Variants in OR8K3 observed in about 807,000 individuals in gnomAD.
The protein encoded by OR8K3 is olfactory receptor 8K3.
For synonymous variants in OR8K3, 167 were observed against 138.8 expected, an observed-to-expected ratio of 1.20 and a Z score of -1.43; for missense variants, 448 against 367.4, an observed-to-expected ratio of 1.22 and a Z score of -1.79.
At position 56,319,339 on chromosome 11, in the gene OR8K3, C is replaced by T; in HGVS notation, c.*94C>T. On this transcript the variant is annotated 3_prime_UTR_variant, in exon 3 of 3. Transcript: ENST00000641662. ...GACATAACAAGCATAACTGATTCAACATATATTTACATATGTCTCATACAT... is the reference window on the plus strand; with the variant it reads ...GACATAACAAGCATAACTGATTCAATATATATTTACATATGTCTCATACAT... 1.6e-6 allele frequency: 1 copy of T among 643,790 alleles called. No individual in the cohort carries two copies. Among genetic ancestry groups the T allele is most frequent in the South Asian group, 2.0e-5 (1 of 50,926 alleles). The allele number at this position is 643,790 out of a possible 1,614,324, so 39.9% of individuals were successfully genotyped here. A position where few individuals can be genotyped will look rare whatever the true frequency, so the allele number is the denominator to read the frequency against.
In OR8K3 at chr11:56,319,207, C is replaced by G. The variant is rs141093095; in HGVS notation, c.901C>G (p.Arg301Gly). Residue 301 changes from arginine to glycine, a missense_variant, in exon 3 of 3, where the codon CGA becomes GGA. Arg to Gly is a moderately radical substitution (Grantham distance 125). Transcript: ENST00000641662. Reference sequence around the variant, plus strand: ...AAACAAAGATGTAAAATATGCCCTACGAAGGACATGGAATAACTTATGTAA... The same window carrying G: ...AAACAAAGATGTAAAATATGCCCTAGGAAGGACATGGAATAACTTATGTAA... ...LRNKDVKYAL[R>G]RTWNNLCNIF... 3.7e-6 allele frequency: 6 copies of G among 1,608,562 alleles called. No individual in the cohort carries two copies. The highest frequency in any genetic ancestry group is 5.1e-6 in the Non-Finnish European group (6 of 1,175,264).
intron 1 of OR8K3, 112 bp downstream of exon 1, chr11:56,315,279 T>C (rs913970215): frequency 1.3e-5 from 2 of 152,154 alleles, no homozygotes; most frequent in African/African-American, 4.8e-5. Flanking sequence ...ATAACCATAG[T>C]AAAGTGTGAC....
Position 56,319,125 on chromosome 11 carries a change from T to G in OR8K3, c.819T>G (p.Ala273=). Residue 273 remains alanine (A), a synonymous_variant, in exon 3 of 3, where the codon GCT becomes GCG. Transcript: ENST00000641662. The part of the protein sequence containing the change: ...SSHSFDTDKV[A]SIFYTLVIPM... ...ATTCCTTTGACACTGATAAAGTGGC[T>G]TCCATATTTTACACCCTGGTTATCC... The G allele has an allele frequency of 6.2e-7, 1 of 1,613,924 alleles. No homozygotes were observed. Among genetic ancestry groups the G allele is most frequent in the Non-Finnish European group, 8.5e-7 (1 of 1,179,798 alleles).
rs762706312 is a variant in OR8K3 at position 56,318,883 on chromosome 11, C to G, written c.577C>G (p.His193Asp). ...PLLPLLCSNT[H>D]EIELIILIFA... Reference sequence around the variant, plus strand: ...GTTACCTTTGCTTTGTTCAAATACACATGAAATTGAATTGATAATTCTGAT... The same window carrying G: ...GTTACCTTTGCTTTGTTCAAATACAGATGAAATTGAATTGATAATTCTGAT... Residue 193 changes from histidine (H) to aspartate (D), a missense_variant, in exon 3 of 3, where the codon CAT becomes GAT. His to Asp is a moderately conservative substitution (Grantham distance 81). Coordinates refer to ENST00000641662, the MANE Select transcript of OR8K3 (RefSeq NM_001005202.2). 1.2e-6 allele frequency: 2 copies of G among 1,613,408 alleles called. No individual in the cohort carries two copies. Among genetic ancestry groups the G allele is most frequent in the Non-Finnish European group, 1.7e-6 (2 of 1,179,342 alleles).
rs1195425849 is a variant in OR8K3 at position 56,319,646 on chromosome 11, T to C, written c.*401T>C. The C allele has an allele frequency of 5.9e-6, 1 of 169,720 alleles. No individual in the cohort carries two copies. Among genetic ancestry groups the C allele is most frequent in the Non-Finnish European group, 1.3e-5 (1 of 78,378 alleles). The allele number at this position is 169,720 out of a possible 1,614,324, so 10.5% of individuals were successfully genotyped here. On this transcript the variant is annotated 3_prime_UTR_variant, in exon 3 of 3. Coordinates refer to ENST00000641662, the MANE Select transcript of OR8K3 (RefSeq NM_001005202.2). ...CAGTGTGTGTGCTTCTGTATGTTTC[T>C]GTTTGTGTGTTTTTGTGTATATAAG...
chr11:56,318,010 A>C (rs1854467535), intron 2 of OR8K3, among the ~76,000 whole-genome samples: 1 of 152,152 alleles, frequency 6.6e-6, no homozygotes, highest in Non-Finnish European at 1.5e-5. Flanking sequence ...TAACCTTTAG[A>C]TGCAACAGTG....
Position 56,319,344 on chromosome 11 carries a change from AT to A in OR8K3, c.*102del. On this transcript the variant is annotated 3_prime_UTR_variant, in exon 3 of 3. Coordinates refer to ENST00000641662, the MANE Select transcript of OR8K3 (RefSeq NM_001005202.2). ...AACAAGCATAACTGATTCAACATAT[AT>A]TTACATATGTCTCATACATGATAGG... 1.6e-6 allele frequency: 1 copy of A among 643,798 alleles called. No individual in the cohort carries two copies. Among genetic ancestry groups the A allele is most frequent in the South Asian group, 2.0e-5 (1 of 50,946 alleles). 39.9% of individuals were successfully genotyped at this position (643,798 alleles called of 1,614,324 possible).
At position 56,319,306 on chromosome 11, in the gene OR8K3, T is replaced by A; in HGVS notation, c.*61T>A. ...GGGCATGAATTTTTGCTCTGCATAC[T>A]TCCAGAAGACATAACAAGCATAACT... On this transcript the variant is annotated 3_prime_UTR_variant, in exon 3 of 3. Coordinates refer to ENST00000641662, the MANE Select transcript of OR8K3 (RefSeq NM_001005202.2). 1 of 839,824 alleles carries A rather than the reference T, an allele frequency of 1.2e-6. No individual in the cohort carries two copies. The highest frequency in any genetic ancestry group is 1.9e-6 in the Non-Finnish European group (1 of 527,076). 52.0% of individuals were successfully genotyped at this position (839,824 alleles called of 1,614,324 possible).
rs771606771 is a variant in OR8K3, at chr11:56,318,610, G to T, written c.304G>T (p.Ala102Ser). 46 of 1,613,738 alleles carry T rather than the reference G, an allele frequency of 2.9e-5. 1 individual carries two copies. In the Admixed American group the frequency reaches 3.7e-4, roughly 13 times the overall value. The change falls in exon 3 of 3, where the codon GCT (alanine) becomes TCT (serine). Residue 102 changes from alanine (A) to serine (S), a missense_variant. Physicochemically the swap from Ala to Ser is moderately conservative, Grantham distance 99 (BLOSUM62 1). Transcript: ENST00000641662. ...ISYYFCATQL[A>S]FFLVFIGSEL... Reference sequence around the variant, plus strand: ...TTATTATTTTTGTGCAACACAGCTAGCTTTCTTTCTTGTGTTCATTGGTAG... The same window carrying T: ...TTATTATTTTTGTGCAACACAGCTATCTTTCTTTCTTGTGTTCATTGGTAG...
chr11:56,318,301 A>G lies in OR8K3; in HGVS notation c.-6A>G, dbSNP rs761379845. 111 of 1,603,948 alleles carry G rather than the reference A, an allele frequency of 6.9e-5. No homozygotes were observed. The highest frequency in any genetic ancestry group is 9.0e-5 in the Non-Finnish European group (106 of 1,171,590). On this transcript the variant is annotated 5_prime_UTR_variant, in exon 3 of 3. Transcript: ENST00000641662. ...TCTATCAGAATAGGTTTTCTGATGA[A>G]CCTGGATGGAACAACACAATCTAAC... is the stretch of plus-strand genomic sequence containing the variant.
In OR8K3 at chr11:56,320,322, G is replaced by A. The variant is rs1854508482; in HGVS notation, c.*1077G>A. On this transcript the variant is annotated 3_prime_UTR_variant, in exon 3 of 3. Coordinates refer to ENST00000641662, the MANE Select transcript of OR8K3 (RefSeq NM_001005202.2). Reference sequence around the variant, plus strand: ...CTACACCATACTGTATCTATCTGCTGGCTATTACAGATGTCCTTTGACAGT... The same window carrying A: ...CTACACCATACTGTATCTATCTGCTAGCTATTACAGATGTCCTTTGACAGT... 1 of 152,154 alleles carries A rather than the reference G, an allele frequency of 6.6e-6. No individual in the cohort carries two copies. The highest frequency in any genetic ancestry group is 1.5e-5 in the Non-Finnish European group (1 of 68,024). The allele number at this position is 152,154 out of a possible 1,614,324, so 9.4% of individuals were successfully genotyped here.
Position 56,318,608 on chromosome 11 carries a change from T to C in OR8K3, c.302T>C (p.Leu101Pro), listed in dbSNP as rs745419344. The C allele has an allele frequency of 6.2e-7, 1 of 1,613,808 alleles. No homozygotes were observed. The highest frequency in any genetic ancestry group is 8.5e-7 in the Non-Finnish European group (1 of 1,179,832). Reference sequence around the variant, plus strand: ...TCTTATTATTTTTGTGCAACACAGCTAGCTTTCTTTCTTGTGTTCATTGGT... The same window carrying C: ...TCTTATTATTTTTGTGCAACACAGCCAGCTTTCTTTCTTGTGTTCATTGGT... ...IISYYFCATQ[L>P]AFFLVFIGSE... Residue 101 changes from leucine to proline, a missense_variant, in exon 3 of 3, where the codon CTA (leucine) becomes CCA (proline). Coordinates refer to ENST00000641662, the MANE Select transcript of OR8K3 (RefSeq NM_001005202.2).
In OR8K3 at chr11:56,318,626, T is replaced by C; in HGVS notation, c.320T>C (p.Phe107Ser). ...CATQLAFFLV[F>S]IGSELFILSA... is the part of the protein sequence containing the mutation. ...ACACAGCTAGCTTTCTTTCTTGTGT[T>C]CATTGGTAGTGAACTTTTTATTCTC... Residue 107 changes from phenylalanine to serine, a missense_variant, in exon 3 of 3, where the codon TTC becomes TCC. Phe to Ser is a radical substitution (Grantham distance 155). Transcript: ENST00000641662. 6.2e-7 allele frequency: 1 copy of C among 1,613,970 alleles called. No homozygotes were observed. Among genetic ancestry groups the C allele is most frequent in the Non-Finnish European group, 8.5e-7 (1 of 1,179,880 alleles).
chr11:56,315,525 T>C (rs1590836509), intron 1 of OR8K3, among the ~76,000 whole-genome samples: 1 of 152,144 alleles, frequency 6.6e-6, no homozygotes, highest in East Asian at 1.9e-4. Flanking sequence ...GAGATAAATA[T>C]ATTTTTAATG....
rs1308876154 is a variant in OR8K3 at position 56,319,771 on chromosome 11, A to G, written c.*526A>G. The G allele has an allele frequency of 6.5e-6, 1 of 153,300 alleles. No individual in the cohort carries two copies. Among genetic ancestry groups the G allele is most frequent in the Non-Finnish European group, 1.5e-5 (1 of 68,798 alleles). The allele number at this position is 153,300 out of a possible 1,614,324, so 9.5% of individuals were successfully genotyped here. The stretch of plus-strand genomic sequence containing the variant: ...ATGATATGTGATGATTTTAAGTCTT[A>G]CAGATGTGCTCGAATAATTACTATT... On this transcript the variant is annotated 3_prime_UTR_variant, in exon 3 of 3. Transcript: ENST00000641662.
At chr11:56,316,858 T>G (rs1372854392) in intron 2 of OR8K3, among the ~76,000 whole-genome samples, 1 of 152,002 alleles carries the variant, frequency 6.6e-6, no homozygotes, top group Non-Finnish European at 1.5e-5. Flanking sequence ...AAACTTAACG[T>G]TCACATTCAA....
rs145714397 is a variant in OR8K3, at chr11:56,317,846, T to C, written c.-23-438T>C. Among the ~76,000 whole-genome samples the C allele has an allele frequency of 2.5e-3, 387 of 152,084 alleles. 2 individuals are homozygous for C. Among genetic ancestry groups the C allele is most frequent in the African/African-American group, 9.1e-3 (377 of 41,546 alleles). ...TATGATTCTATCTGTTCATCCATAA[T>C]CTATCTATCTACCCATTAACTATCT... On this transcript the variant is annotated intron_variant, in intron 2 of 2. Transcript: ENST00000641662.
chr11:56,318,494 T>A lies in OR8K3; in HGVS notation c.188T>A (p.Leu63His), dbSNP rs1854475658. 1 of 1,613,998 alleles carries A rather than the reference T, an allele frequency of 6.2e-7. No homozygotes were observed. Among genetic ancestry groups the A allele is most frequent in the Admixed American group, 1.7e-5 (1 of 59,986 alleles). The change falls in exon 3 of 3, where the codon CTC (leucine) becomes CAC (histidine). Residue 63 changes from leucine to histidine, a missense_variant. By Grantham distance (99) the Leu-to-His change is moderately conservative. Transcript: ENST00000641662. Reference sequence around the variant, plus strand: ...TTGCAAACCCCTATGTACTTTTTTCTCAGACATCTGGCTTTCATGGATCTT... The same window carrying A: ...TTGCAAACCCCTATGTACTTTTTTCACAGACATCTGGCTTTCATGGATCTT... ...SRLQTPMYFF[L>H]RHLAFMDLGY...
rs139586054 is a variant in OR8K3 at position 56,319,090 on chromosome 11, A to G, written c.784A>G (p.Lys262Glu). Residue 262 changes from lysine to glutamate, a missense_variant, in exon 3 of 3, where the codon AAG becomes GAG. Coordinates refer to ENST00000641662, the MANE Select transcript of OR8K3 (RefSeq NM_001005202.2). ...TTTGCTTTTCATGTACGTGCAGCCC[A>G]AGTCCAGTCATTCCTTTGACACTGA... ...GTLLFMYVQP[K>E]SSHSFDTDKV... 6.2e-5 allele frequency: 100 copies of G among 1,614,102 alleles called. No individual in the cohort carries two copies. The highest frequency in any genetic ancestry group is 8.1e-5 in the Non-Finnish European group (95 of 1,179,980).
Sources: gnomAD v4.1 joint callset for allele counts (sites outside exome capture counted in the v4.1 genomes callset) on GRCh38, gnomAD v4.1.1 for gene constraint, MANE v1.5 for transcripts, NCBI Gene and HGNC (gene_info 2026-07-23, HGNC 2026-07-21) for gene names.